The following PPP1R13B variants were observed in gnomAD, a reference collection of about 807,000 sequenced individuals.
The protein encoded by PPP1R13B is apoptosis-stimulating of p53 protein 1.
PPP1R13B carries 44 observed loss-of-function variants against 119.8 expected under a neutral mutation model. That is an observed-to-expected ratio of 0.37 (90% confidence interval 0.29 to 0.47). PPP1R13B has a LOEUF of 0.47. Ranked by LOEUF, PPP1R13B falls within the 20% of genes least tolerant of loss-of-function variation. The pLI, the probability that PPP1R13B is intolerant of heterozygous loss-of-function variation, is 0.99. For synonymous variants in PPP1R13B, 542 were observed against 561.5 expected, an observed-to-expected ratio of 0.97 and a Z score of 0.49; for missense variants, 1,227 against 1,413.5, an observed-to-expected ratio of 0.87 and a Z score of 2.12.
chr14:103,776,186 G>GAGGAAGGA (rs1307197386), intron 4 of PPP1R13B, among the ~76,000 whole-genome samples: 1,590 of 75,830 alleles, frequency 0.021, 56 homozygotes, highest in Middle Eastern at 0.035. Context: ...GGGAGGGAGG[G>GAGGAAGGA]AGGAAGGAAG....
At chr14:103,797,263 T>G in intron 2 of PPP1R13B, 108 bp downstream of exon 2, 1 of 1,172,598 alleles carries the variant, frequency 8.5e-7, no homozygotes, top group Non-Finnish European at 1.2e-6. Flanking sequence ...CTTAGTTACT[T>G]TTTTTCCCCA....
In PPP1R13B at chr14:103,746,482, C is replaced by T. The variant is rs1378838340; in HGVS notation, c.1041G>A (p.Gly347=). 2.5e-6 allele frequency: 4 copies of T among 1,614,038 alleles called. No individual in the cohort carries two copies. The highest frequency in any genetic ancestry group is 3.4e-6 in the Non-Finnish European group (4 of 1,179,914). The change falls in exon 9 of 17, where the codon GGG becomes GGA. Residue 347 remains glycine, a synonymous_variant. Coordinates refer to ENST00000202556, the MANE Select transcript of PPP1R13B (RefSeq NM_015316.3). ...CGGCACTGGGAACCTGGATATAAGGCCCCACAGCAGCGACCCTGCCCGATG... is the reference window on the plus strand; with the variant it reads ...CGGCACTGGGAACCTGGATATAAGGTCCCACAGCAGCGACCCTGCCCGATG... ...LSTSGRVAAV[G]PYIQVPSAGS...
At position 103,796,330 on chromosome 14, in the gene PPP1R13B, C is replaced by G. The variant is rs75622930; in HGVS notation, c.157+1041G>C. On this transcript the variant is annotated intron_variant, in intron 2 of 16. Transcript: ENST00000202556. ...AGGCAAAGGAACTGAATAGACATTT[C>G]TCCAGAGAAGATATAAAAATGGCCA... 9.4e-3 allele frequency among the ~76,000 whole-genome samples: 1,428 copies of G among 152,122 alleles called. 23 individuals are homozygous for G. Among genetic ancestry groups the G allele is most frequent in the South Asian group, 0.016 (78 of 4,822 alleles).
intron 2 of PPP1R13B, 143 bp downstream of exon 2, chr14:103,797,228 T>C: frequency 1.4e-6 from 1 of 705,960 alleles, no homozygotes; most frequent in Non-Finnish European, 2.2e-6. Flanking sequence ...ATATTTTCCA[T>C]TTGATAAATA....
chr14:103,804,529 C>T (rs1420654962), intron 1 of PPP1R13B, among the ~76,000 whole-genome samples: 1 of 151,996 alleles, frequency 6.6e-6, no homozygotes, highest in Non-Finnish European at 1.5e-5. Context: ...TTGAGACCAA[C>T]GTGGGCAACA....
chr14:103,827,238 A>T (rs764643945), intron 1 of PPP1R13B, among the ~76,000 whole-genome samples: 12 of 152,016 alleles, frequency 7.9e-5, no homozygotes, highest in Non-Finnish European at 1.6e-4. Flanking sequence ...CAGGAGGCTG[A>T]GGCAGGAGAA....
chr14:103,822,486 C>T (rs537055328), intron 1 of PPP1R13B, among the ~76,000 whole-genome samples: 6 of 152,086 alleles, frequency 3.9e-5, no homozygotes, highest in Admixed American at 3.9e-4. Context: ...AACACCAAAA[C>T]CCCACAGAAT....
chr14:103,816,516 G>A (rs1263353047), intron 1 of PPP1R13B, among the ~76,000 whole-genome samples: 1 of 150,078 alleles, frequency 6.7e-6, no homozygotes, highest in Non-Finnish European at 1.5e-5. Context: ...GTGAAACCCC[G>A]TCTCTGCTAA....
At chr14:103,807,237 G>A (rs1420502268) in intron 1 of PPP1R13B, among the ~76,000 whole-genome samples, 1 of 152,120 alleles carries the variant, frequency 6.6e-6, no homozygotes, top group Non-Finnish European at 1.5e-5. Context: ...TCTTAGCAAG[G>A]AAGCTTTCCT....
chr14:103,812,475 C>T (rs1460713704), intron 1 of PPP1R13B, among the ~76,000 whole-genome samples: 1 of 143,882 alleles, frequency 7.0e-6, no homozygotes, highest in Non-Finnish European at 1.5e-5. Context: ...TCTGGAGTGC[C>T]GTGGCACAAG....
chr14:103,751,870 A>C (rs1017470994), intron 7 of PPP1R13B, among the ~76,000 whole-genome samples: 3 of 152,236 alleles, frequency 2.0e-5, no homozygotes, highest in African/African-American at 7.2e-5. Context: ...GAGCTAAGAC[A>C]AAGATTTAAC....
intron 4 of PPP1R13B, among the ~76,000 whole-genome samples, chr14:103,763,617 C>T (rs375640242): frequency 3.0e-4 from 45 of 152,118 alleles, no homozygotes; most frequent in African/African-American, 9.7e-4. Flanking sequence ...CTTAACTTTT[C>T]GAGTCACAGG....
intron 16 of PPP1R13B, among the ~76,000 whole-genome samples, 197 bp from the exon 17 acceptor site, chr14:103,735,392 A>G (rs1364733092): frequency 6.6e-6 from 1 of 152,012 alleles, no homozygotes; most frequent in East Asian, 1.9e-4. Flanking sequence ...CCCCCAGAAT[A>G]TCCTATTTTT....
chr14:103,760,063 G>A (rs891728232), intron 4 of PPP1R13B, among the ~76,000 whole-genome samples: 3 of 152,094 alleles, frequency 2.0e-5, no homozygotes, highest in African/African-American at 7.2e-5. Context: ...AAGTGAATAT[G>A]CCTGTGTGAT....
chr14:103,784,725 T>C, intron 3 of PPP1R13B, 70 bp downstream of exon 3: 2 of 1,463,262 alleles, frequency 1.4e-6, no homozygotes, highest in South Asian at 1.3e-5. Context: ...AATTTAATAT[T>C]TATTCCTATT....
chr14:103,805,226 G>A (rs1454136593), intron 1 of PPP1R13B, among the ~76,000 whole-genome samples: 5 of 152,072 alleles, frequency 3.3e-5, no homozygotes, highest in Non-Finnish European at 7.4e-5. Context: ...ATATGTCCAC[G>A]CAAAGTCTTG....
intron 2 of PPP1R13B, among the ~76,000 whole-genome samples, chr14:103,791,923 AT>A (rs1356302069): frequency 6.6e-6 from 1 of 152,138 alleles, no homozygotes; most frequent in African/African-American, 2.4e-5. Flanking sequence ...CTTAGGCCAC[AT>A]TTTTATTCAC....
At chr14:103,784,768 C>A in intron 3 of PPP1R13B, 27 bp downstream of exon 3, 1 of 1,546,506 alleles carries the variant, frequency 6.5e-7, no homozygotes, top group Non-Finnish European at 8.8e-7. Flanking sequence ...CAAAAATTAA[C>A]AAATGAGGAA....
chr14:103,748,134 G>C (rs2084440147), intron 8 of PPP1R13B, among the ~76,000 whole-genome samples: 1 of 149,618 alleles, frequency 6.7e-6, no homozygotes, highest in African/African-American at 2.5e-5. Context: ...CACGCTACTG[G>C]TTCTCTTTCT....
Sources: allele counts gnomAD v4.1 joint callset (sites outside exome capture counted in the v4.1 genomes callset), GRCh38; gene constraint gnomAD v4.1.1; transcripts MANE v1.5; gene names NCBI Gene and HGNC (gene_info 2026-07-23, HGNC 2026-07-21).